Variants in VRK2 observed in about 807,000 individuals in gnomAD.
The protein encoded by VRK2 is serine/threonine-protein kinase VRK2.
A neutral mutation model predicts 57.6 loss-of-function variants in VRK2; 60 were observed. The ratio of observed to expected loss-of-function variants is 1.04; its 90% CI spans 0.85 to 1.29. The LOEUF is 1.29. Ranked by LOEUF, VRK2 falls within the 50% of genes most tolerant of loss-of-function variation. VRK2 has a pLI of 0.00. For synonymous variants in VRK2, 231 were observed against 199.2 expected (o/e 1.16, Z -1.35); for missense variants, 705 against 588.1 (o/e 1.20, Z -2.06).
At chr2:58,012,467 G>C (rs1673443474) in intron 1 of VRK2, among the ~76,000 whole-genome samples, 1 of 152,172 alleles carries the variant, frequency 6.6e-6, no homozygotes, top group Non-Finnish European at 1.5e-5. Context: ...TATTGTTCAA[G>C]AGGTTTTTTT....
At chr2:58,142,655 G>T (rs1681515161) in intron 11 of VRK2, among the ~76,000 whole-genome samples, 1 of 151,704 alleles carries the variant, frequency 6.6e-6, no homozygotes, top group Non-Finnish European at 1.5e-5. Flanking sequence ...AAAATTCACT[G>T]AAAGAAACAA....
At chr2:57,983,315 A>G (rs1040572959) in intron 1 of VRK2, among the ~76,000 whole-genome samples, 3 of 152,184 alleles carry the variant, frequency 2.0e-5, no homozygotes, top group Non-Finnish European at 4.4e-5. Context: ...GACCATAGCC[A>G]GGAAAGGTTC....
intron 2 of VRK2, among the ~76,000 whole-genome samples, chr2:58,030,795 G>C (rs974545882): frequency 5.9e-5 from 9 of 152,198 alleles, no homozygotes; most frequent in African/African-American, 7.2e-5. Context: ...GCATGGAGTT[G>C]AAAGTGATGC....
At chr2:58,047,951 C>T (rs766834751) in intron 1 of VRK2, among the ~76,000 whole-genome samples, 7 of 152,184 alleles carry the variant, frequency 4.6e-5, no homozygotes, top group Non-Finnish European at 8.8e-5. Flanking sequence ...ATGTCAGAAA[C>T]TCTTAATAGT....
At chr2:58,121,186 G>A (rs568269649) in intron 7 of VRK2, among the ~76,000 whole-genome samples, 3 of 152,288 alleles carry the variant, frequency 2.0e-5, no homozygotes, top group Admixed American at 1.3e-4. Flanking sequence ...CGGATGTAAG[G>A]CACTTAGCAT....
intron 2 of VRK2, among the ~76,000 whole-genome samples, chr2:58,028,936 A>ATG (rs1436710266): frequency 2.3e-5 from 3 of 130,734 alleles, no homozygotes; most frequent in African/African-American, 5.5e-5. Flanking sequence ...ATATATATAT[A>ATG]TATATATTTA....
intron 1 of VRK2, among the ~76,000 whole-genome samples, chr2:57,957,860 G>A (rs914003439): frequency 1.2e-4 from 19 of 152,010 alleles, no homozygotes; most frequent in Admixed American, 1.1e-3. Flanking sequence ...ACATTAATAA[G>A]GGAGACAGGA....
intron 8 of VRK2, 68 bp downstream of exon 8, chr2:58,123,301 T>C: frequency 1.3e-6 from 2 of 1,540,634 alleles, no homozygotes; most frequent in Non-Finnish European, 1.7e-6. Flanking sequence ...GTAATGAGGC[T>C]GCATGAAATG....
intron 1 of VRK2, among the ~76,000 whole-genome samples, chr2:57,981,253 T>C (rs1248225985): frequency 6.6e-6 from 1 of 152,170 alleles, no homozygotes; most frequent in Non-Finnish European, 1.5e-5. Flanking sequence ...TTCCTTAGTA[T>C]TTGCTGGTCT....
At chr2:58,003,916 C>G (rs1673164633) in intron 1 of VRK2, among the ~76,000 whole-genome samples, 1 of 152,052 alleles carries the variant, frequency 6.6e-6, no homozygotes, top group Non-Finnish European at 1.5e-5. Flanking sequence ...TCACTGAGGC[C>G]TTCCTATAGA....
At chr2:58,019,598 T>G (rs1477712464) in intron 1 of VRK2, among the ~76,000 whole-genome samples, 1 of 152,236 alleles carries the variant, frequency 6.6e-6, no homozygotes, top group South Asian at 2.1e-4. Flanking sequence ...TCAGACTTCC[T>G]GGCTTCTTAG....
At chr2:57,922,389 G>C (rs1043993011) in intron 1 of VRK2, among the ~76,000 whole-genome samples, 1 of 151,276 alleles carries the variant, frequency 6.6e-6, no homozygotes, top group Admixed American at 6.6e-5. Context: ...TTAAATATAT[G>C]TATATGTTGT....
intron 1 of VRK2, among the ~76,000 whole-genome samples, chr2:57,935,133 C>T (rs952626014): frequency 3.9e-5 from 6 of 152,106 alleles, no homozygotes; most frequent in African/African-American, 1.4e-4. Flanking sequence ...CTCACATTGC[C>T]TTGATTTTTG....
chr2:58,016,266 TATTA>T (rs756383019), intron 1 of VRK2, among the ~76,000 whole-genome samples: 30 of 152,284 alleles, frequency 2.0e-4, no homozygotes, highest in African/African-American at 3.6e-4. Context: ...GTTCAAAAAC[TATTA>T]ATTATTATTG....
At chr2:57,917,181 A>T (rs1670185697) in intron 1 of VRK2, among the ~76,000 whole-genome samples, 1 of 152,112 alleles carries the variant, frequency 6.6e-6, no homozygotes, top group South Asian at 2.1e-4. Context: ...AATACCAACA[A>T]CCTGGGAGAT....
At chr2:58,136,888 ATATG>A (rs1212447908) in intron 10 of VRK2, among the ~76,000 whole-genome samples, 1 of 69,580 alleles carries the variant, frequency 1.4e-5, no homozygotes, top group Non-Finnish European at 2.5e-5. Context: ...TATATCATAT[ATATG>A]TGTATATATA....
intron 2 of VRK2, among the ~76,000 whole-genome samples, chr2:58,083,314 A>G (rs930769383): frequency 1.3e-5 from 2 of 151,966 alleles, no homozygotes; most frequent in Admixed American, 1.3e-4. Context: ...TGCAGTACAA[A>G]TAAATATACA....
At chr2:58,062,515 C>T (rs1677500370) in intron 2 of VRK2, among the ~76,000 whole-genome samples, 1 of 151,978 alleles carries the variant, frequency 6.6e-6, no homozygotes, top group African/African-American at 2.4e-5. Context: ...CCAGTTAGCC[C>T]AATTGTGAAT....
chr2:57,931,655 G>C (rs1357320181), intron 1 of VRK2, among the ~76,000 whole-genome samples: 1 of 152,028 alleles, frequency 6.6e-6, no homozygotes, highest in African/African-American at 2.4e-5. Context: ...TTTGTCACCT[G>C]TGGTTTTGGT....
Sources: gnomAD v4.1 joint callset for allele counts (sites outside exome capture counted in the v4.1 genomes callset) on GRCh38, gnomAD v4.1.1 for gene constraint, MANE v1.5 for transcripts, NCBI Gene and HGNC (gene_info 2026-07-23, HGNC 2026-07-21) for gene names.